Variants in LIN7A observed in about 807,000 individuals in gnomAD.
LIN7A encodes protein lin-7 homolog A.
LIN7A carries 25 observed loss-of-function variants against 29.8 expected under a neutral mutation model. The observed-to-expected ratio is 0.84, with a 90% CI of 0.61 to 1.17. The LOEUF (loss-of-function observed/expected upper bound fraction) is 1.17, where lower values mean the gene tolerates loss of function less well. Among genes scored for constraint, LIN7A ranks in the 50% most tolerant of loss-of-function variants. The pLI is 0.00. For synonymous variants in LIN7A, 118 were observed against 107.5 expected (o/e 1.10, Z -0.60); for missense variants, 239 against 287.0 (o/e 0.83, Z 1.21).
At chr12:80,846,736 A>G (rs538444568) in intron 3 of LIN7A, among the ~76,000 whole-genome samples, 56 of 152,338 alleles carry the variant, frequency 3.7e-4, no homozygotes, top group Middle Eastern at 3.4e-3. Flanking sequence ...ATATGGACAT[A>G]ATTTGTTTTA....
chr12:80,828,888 G>A (rs1565892647), intron 4 of LIN7A, among the ~76,000 whole-genome samples: 1 of 152,044 alleles, frequency 6.6e-6, no homozygotes, highest in African/African-American at 2.4e-5. Context: ...TTCTACACGT[G>A]GAGAGAGAGA....
chr12:80,920,999 C>T (rs1227992943), intron 1 of LIN7A, among the ~76,000 whole-genome samples: 2 of 152,184 alleles, frequency 1.3e-5, no homozygotes, highest in African/African-American at 4.8e-5. Context: ...TTGCTACGCT[C>T]TCTTAGCTCC....
intron 1 of LIN7A, among the ~76,000 whole-genome samples, chr12:80,930,433 T>A (rs1487154642): frequency 1.3e-5 from 2 of 152,214 alleles, no homozygotes. Context: ...TAAGTTCACA[T>A]TTGGTAGTGC....
intron 3 of LIN7A, among the ~76,000 whole-genome samples, chr12:80,847,570 A>G (rs1205430654): frequency 6.6e-6 from 1 of 152,226 alleles, no homozygotes; most frequent in African/African-American, 2.4e-5. Context: ...TGTTTCTATT[A>G]TAACATTTGT....
chr12:80,894,273 C>T (rs896947188), intron 1 of LIN7A, among the ~76,000 whole-genome samples: 1 of 152,070 alleles, frequency 6.6e-6, no homozygotes, highest in East Asian at 1.9e-4. Context: ...TGGTATAACT[C>T]AGATCAAGAG....
intron 4 of LIN7A, among the ~76,000 whole-genome samples, chr12:80,838,488 T>C (rs1368466407): frequency 5.3e-5 from 8 of 152,198 alleles, no homozygotes; most frequent in Non-Finnish European, 1.0e-4. Flanking sequence ...TCATGCTGCA[T>C]TGTTTGTGCT....
intron 2 of LIN7A, among the ~76,000 whole-genome samples, chr12:80,854,119 T>G (rs1446342227): frequency 2.0e-5 from 3 of 152,152 alleles, no homozygotes; most frequent in Non-Finnish European, 4.4e-5. Context: ...TAGCTATTTA[T>G]CCAAGATAAA....
intron 2 of LIN7A, among the ~76,000 whole-genome samples, chr12:80,865,796 G>A (rs982368748): frequency 6.6e-6 from 1 of 152,344 alleles, no homozygotes; most frequent in African/African-American, 2.4e-5. Context: ...TGGACATACA[G>A]CCTTTCAGAG....
At chr12:80,869,756 T>C (rs1380903881) in intron 2 of LIN7A, among the ~76,000 whole-genome samples, 6 of 152,104 alleles carry the variant, frequency 3.9e-5, no homozygotes, top group Non-Finnish European at 5.9e-5. Context: ...TGGTTTTTTT[T>C]TTTTTCTTTT....
intron 2 of LIN7A, among the ~76,000 whole-genome samples, chr12:80,868,516 C>T (rs899751232): frequency 3.3e-5 from 5 of 151,976 alleles, no homozygotes; most frequent in African/African-American, 4.8e-5. Flanking sequence ...TGCAGTGGGC[C>T]GAGATTGCGC....
chr12:80,867,240 C>T (rs1358146115), intron 2 of LIN7A, among the ~76,000 whole-genome samples: 1 of 152,174 alleles, frequency 6.6e-6, no homozygotes, highest in Non-Finnish European at 1.5e-5. Context: ...AGCCACCATG[C>T]CTAGTCCCAT....
At chr12:80,855,580 C>T (rs1257452971) in intron 2 of LIN7A, among the ~76,000 whole-genome samples, 1 of 151,996 alleles carries the variant, frequency 6.6e-6, no homozygotes, top group Non-Finnish European at 1.5e-5. Context: ...TAATATTAAG[C>T]CATAATGTAT....
rs55779514 is a variant in LIN7A, at chr12:80,877,121, C to CAA, written c.201+12128_201+12129dup. On this transcript the variant is annotated intron_variant, in intron 2 of 5. Coordinates refer to ENST00000552864, the MANE Select transcript of LIN7A (RefSeq NM_004664.4). ...TAGCCAACAGAGAGAGACTCTGTCT[C>CAA]AAAAAAAAAAAAAAAAAGTTAAATA... 6.7e-4 allele frequency among the ~76,000 whole-genome samples: 71 copies of CAA among 106,500 alleles called. 1 individual carries two copies. Among genetic ancestry groups the CAA allele is most frequent in the African/African-American group, 2.5e-3 (67 of 27,238 alleles). The allele number at this position is 106,500 out of a possible 152,430, so 69.9% of individuals were successfully genotyped here.
At chr12:80,827,295 G>A (rs1872128282) in intron 4 of LIN7A, among the ~76,000 whole-genome samples, 1 of 152,104 alleles carries the variant, frequency 6.6e-6, no homozygotes, top group Non-Finnish European at 1.5e-5. Context: ...GCTGAGGCAG[G>A]AGAATGGCGT....
chr12:80,827,691 C>T (rs960483755), intron 4 of LIN7A, among the ~76,000 whole-genome samples: 3 of 152,032 alleles, frequency 2.0e-5, no homozygotes, highest in African/African-American at 7.2e-5. Context: ...CAGTTTTATT[C>T]CCTCAGTGTA....
intron 5 of LIN7A, among the ~76,000 whole-genome samples, chr12:80,808,403 A>C (rs755642317): frequency 1.4e-4 from 21 of 152,164 alleles, no homozygotes; most frequent in Non-Finnish European, 2.9e-4. Context: ...GAGGGCAAAA[A>C]CTTTGCATTA....
intron 2 of LIN7A, among the ~76,000 whole-genome samples, chr12:80,877,461 A>C (rs1457413174): frequency 6.6e-6 from 1 of 152,180 alleles, no homozygotes; most frequent in Non-Finnish European, 1.5e-5. Context: ...TCTTTATAAC[A>C]TTTTAAACAA....
At chr12:80,858,751 G>A (rs1873727374) in intron 2 of LIN7A, among the ~76,000 whole-genome samples, 1 of 152,086 alleles carries the variant, frequency 6.6e-6, no homozygotes, top group Admixed American at 6.6e-5. Context: ...TCACTGTTTG[G>A]ATTACGCTGA....
At chr12:80,883,277 C>T (rs753066969) in intron 2 of LIN7A, among the ~76,000 whole-genome samples, 11 of 152,118 alleles carry the variant, frequency 7.2e-5, no homozygotes, top group Non-Finnish European at 1.5e-4. Flanking sequence ...TTGTATCACC[C>T]AACCAAGCAT....
Sources: gnomAD v4.1 joint callset for allele counts (sites outside exome capture counted in the v4.1 genomes callset) on GRCh38, gnomAD v4.1.1 for gene constraint, MANE v1.5 for transcripts, NCBI Gene and HGNC (gene_info 2026-07-23, HGNC 2026-07-21) for gene names.